CSMD2: variants seen among roughly 807,000 people sequenced by gnomAD.
The protein encoded by CSMD2 is CUB and sushi domain-containing protein 2.
A neutral mutation model predicts 398.5 loss-of-function variants in CSMD2; 130 were observed. That is an observed-to-expected ratio of 0.33 (90% CI 0.28 to 0.38). The LOEUF (loss-of-function observed/expected upper bound fraction) is 0.38. CSMD2 is among the 10% of genes least tolerant of loss of function. The probability of loss-of-function intolerance (pLI) is 1.00; values close to 1 mark genes in which losing one functional copy is unlikely to be tolerated. For synonymous variants in CSMD2, 1,828 were observed against 1,908.5 expected (o/e 0.96, Z 1.10); for missense variants, 3,829 against 4,764.9 (o/e 0.80, Z 5.78).
intron 3 of CSMD2, among the ~76,000 whole-genome samples, chr1:34,007,403 G>A (rs2148054826): frequency 6.6e-6 from 1 of 152,278 alleles, no homozygotes; most frequent in East Asian, 1.9e-4. Context: ...CTCAAGATTG[G>A]CCTCCTCTGA....
chr1:34,138,914 A>C (rs1213744872), intron 1 of CSMD2, among the ~76,000 whole-genome samples: 1 of 152,108 alleles, frequency 6.6e-6, no homozygotes, highest in Non-Finnish European at 1.5e-5. Flanking sequence ...ATTTCAGTGA[A>C]ATTTTATTTT....
chr1:33,680,685 C>T (rs72892828), intron 25 of CSMD2, among the ~76,000 whole-genome samples: 2,046 of 152,202 alleles, frequency 0.013, 48 homozygotes, highest in African/African-American at 0.047. Context: ...TCCTCTCCCC[C>T]CATTCTCTTT....
At chr1:33,861,275 CA>C (rs779392749) in intron 5 of CSMD2, 1 of 152,228 alleles carries the variant, frequency 6.6e-6, no homozygotes, top group Non-Finnish European at 1.5e-5. Flanking sequence ...TTACGACCCC[CA>C]GCTTGCAGCC....
chr1:33,928,126 T>C (rs1308721851), intron 4 of CSMD2, among the ~76,000 whole-genome samples: 1 of 152,204 alleles, frequency 6.6e-6, no homozygotes, highest in East Asian at 1.9e-4. Context: ...AGTCTCCTGC[T>C]GTGGGCCAGA....
chr1:33,615,438 G>A (rs887954549), intron 39 of CSMD2, among the ~76,000 whole-genome samples: 14 of 152,172 alleles, frequency 9.2e-5, no homozygotes, highest in African/African-American at 3.4e-4. Flanking sequence ...CTGGGGAGAG[G>A]ACAGCTTGGC....
chr1:33,693,242 C>A (rs1224019045), intron 24 of CSMD2, among the ~76,000 whole-genome samples, 186 bp from the exon 25 acceptor site: 1 of 152,142 alleles, frequency 6.6e-6, no homozygotes, highest in Admixed American at 6.5e-5. Context: ...AGAACCCCTA[C>A]AAATCAACAA....
At chr1:33,775,574 C>T (rs1651865356) in intron 12 of CSMD2, among the ~76,000 whole-genome samples, 4 of 152,112 alleles carry the variant, frequency 2.6e-5, no homozygotes, top group Non-Finnish European at 4.4e-5. Flanking sequence ...AGTGCCTGGC[C>T]TGAGCACTTG....
chr1:33,872,056 T>C (rs143196025), intron 5 of CSMD2, among the ~76,000 whole-genome samples: 30 of 152,358 alleles, frequency 2.0e-4, no homozygotes, highest in African/African-American at 6.5e-4. Flanking sequence ...GGGATTAACT[T>C]TCCAGCACAT....
intron 25 of CSMD2, among the ~76,000 whole-genome samples, chr1:33,676,704 A>G (rs578187966): frequency 1.3e-5 from 2 of 152,356 alleles, no homozygotes. Context: ...ACCTGACTTC[A>G]AACTATACTA....
Position 33,645,212 on chromosome 1 carries a change from T to A in CSMD2, c.4774+1436A>T, listed in dbSNP as rs186174204. ...GGAACATGAGCCAGAAAATTTTTAA[T>A]TTTAGCTGGTAATGCGACCCCATTT... On this transcript the variant is annotated intron_variant, in intron 29 of 70. Coordinates refer to ENST00000373381, the MANE Select transcript of CSMD2 (RefSeq NM_001281956.2). Among the ~76,000 whole-genome samples, 360 of 152,220 alleles carry A rather than the reference T, an allele frequency of 2.4e-3. 3 individuals carry two copies. The highest frequency in any genetic ancestry group is 6.8e-3 in the Middle Eastern group (2 of 294).
chr1:33,898,004 T>A (rs1389051278), intron 5 of CSMD2, among the ~76,000 whole-genome samples: 1 of 152,190 alleles, frequency 6.6e-6, no homozygotes, highest in African/African-American at 2.4e-5. Context: ...CTTTGTAATA[T>A]TGCCCCAATT....
chr1:33,583,685 G>A lies in CSMD2; in HGVS notation c.7197C>T (p.Tyr2399=). ...PDYNISLTVE[Y]FLSEKQYDEF... ...CATCATATTGCTTCTCGCTGAGGAAGTACTCCACTGTGAGGGAGATGTTAT... is the reference window on the plus strand; with the variant it reads ...CATCATATTGCTTCTCGCTGAGGAAATACTCCACTGTGAGGGAGATGTTAT... Residue 2399 remains tyrosine, a synonymous_variant, in exon 47 of 71, where the codon TAC becomes TAT. Transcript: ENST00000373381. 1 of 1,614,196 alleles carries A rather than the reference G, an allele frequency of 6.2e-7. No homozygotes were observed. The highest frequency in any genetic ancestry group is 8.5e-7 in the Non-Finnish European group (1 of 1,180,026).
At chr1:33,656,808 G>A (rs1643961178) in intron 27 of CSMD2, among the ~76,000 whole-genome samples, 1 of 152,182 alleles carries the variant, frequency 6.6e-6, no homozygotes, top group African/African-American at 2.4e-5. Flanking sequence ...AGGAAATGGT[G>A]CTAATTTCAG....
intron 25 of CSMD2, among the ~76,000 whole-genome samples, chr1:33,686,485 GTTCAA>G (rs1255916960): frequency 6.6e-6 from 1 of 152,188 alleles, no homozygotes; most frequent in African/African-American, 2.4e-5. Context: ...TATTACCAGG[GTTCAA>G]GGAAAGGGGC....
chr1:33,954,433 G>A (rs1253254816), intron 3 of CSMD2, among the ~76,000 whole-genome samples: 4 of 151,940 alleles, frequency 2.6e-5, no homozygotes, highest in Admixed American at 2.0e-4. Flanking sequence ...ACTTAACTCC[G>A]GCCATCCAAA....
At chr1:33,925,512 G>T (rs1043820724) in intron 4 of CSMD2, among the ~76,000 whole-genome samples, 12 of 152,138 alleles carry the variant, frequency 7.9e-5, no homozygotes, top group African/African-American at 2.9e-4. Context: ...GCTCAAGATT[G>T]CTTTGGCTTT....
intron 26 of CSMD2, among the ~76,000 whole-genome samples, chr1:33,659,078 T>C (rs769255688): frequency 2.6e-5 from 4 of 152,162 alleles, no homozygotes; most frequent in Non-Finnish European, 5.9e-5. Flanking sequence ...TTGTAGCAAG[T>C]GGGCAGAGAA....
chr1:33,919,531 G>A (rs976650300), intron 4 of CSMD2, among the ~76,000 whole-genome samples: 1 of 152,218 alleles, frequency 6.6e-6, no homozygotes, highest in African/African-American at 2.4e-5. Context: ...TTCTATGAGT[G>A]CAGAAATGTA....
chr1:33,707,683 ACGCGCGCGCG>A (rs148089714), intron 22 of CSMD2, among the ~76,000 whole-genome samples: 5 of 72,316 alleles, frequency 6.9e-5, no homozygotes, highest in African/African-American at 2.6e-4. Context: ...ACGCGTGCAC[ACGCGCGCGCG>A]CGCACACACA....
Sources: allele counts gnomAD v4.1 joint callset (sites outside exome capture counted in the v4.1 genomes callset), GRCh38; gene constraint gnomAD v4.1.1; transcripts MANE v1.5; gene names NCBI Gene and HGNC (gene_info 2026-07-23, HGNC 2026-07-21).